The following MTIF2 variants were observed in gnomAD, a reference collection of about 807,000 sequenced individuals.
The protein encoded by MTIF2 is translation initiation factor IF-2, mitochondrial.
In MTIF2, 71 loss-of-function variants were observed where a neutral mutation model predicts 83.5. The ratio of observed to expected loss-of-function variants is 0.85; its 90% confidence interval spans 0.70 to 1.04. MTIF2 has a LOEUF of 1.04. Among genes scored for constraint, MTIF2 ranks in the 50% least tolerant of loss-of-function variants. The pLI, the probability that MTIF2 is intolerant of heterozygous loss-of-function variation, is 0.00. For synonymous variants in MTIF2, 319 were observed against 287.1 expected, an observed-to-expected ratio of 1.11 and a Z score of -1.12; for missense variants, 957 against 846.5, an observed-to-expected ratio of 1.13 and a Z score of -1.62.
At chr2:55,260,525 A>C (rs2104446792) in intron 5 of MTIF2, among the ~76,000 whole-genome samples, 1 of 152,290 alleles carries the variant, frequency 6.6e-6, no homozygotes, top group East Asian at 1.9e-4. Context: ...CATTGCTGTG[A>C]TTTACAAAAT....
chr2:55,242,009 G>C (rs1676351780), intron 13 of MTIF2, among the ~76,000 whole-genome samples: 2 of 151,970 alleles, frequency 1.3e-5, no homozygotes, highest in African/African-American at 4.8e-5. Context: ...AGCCAGGCAT[G>C]GTGGTGCACG....
At chr2:55,242,351 A>T (rs1167045218) in intron 13 of MTIF2, among the ~76,000 whole-genome samples, 2 of 152,138 alleles carry the variant, frequency 1.3e-5, no homozygotes, top group African/African-American at 4.8e-5. Flanking sequence ...ATTCCTAATC[A>T]CTCAACAAAT....
rs1403111323 is a variant in MTIF2 at position 55,236,784 on chromosome 2, A to T, written c.2048T>A (p.Ile683Asn). 1 of 1,609,032 alleles carries T rather than the reference A, an allele frequency of 6.2e-7. No individual in the cohort carries two copies. The highest frequency in any genetic ancestry group is 1.7e-5 in the Admixed American group (1 of 58,806). ...LTSLKHHKDD[I>N]SIVKTGMDCG... ...ATCCATTCCCGTTTTGACAATTGAA[A>T]TGTCATCTTTATGGTGTTTCAATGA... The change falls in exon 16 of 16, where the codon ATT (isoleucine) becomes AAT (asparagine). Residue 683 changes from isoleucine to asparagine, a missense_variant. Physicochemically the swap from Ile to Asn is moderately radical, Grantham distance 149. This residue lies in a region of MTIF2 where 221 missense variants were observed against 180.6 expected (regional missense o/e 1.22). Transcript: ENST00000263629.
chr2:55,240,313 G>A, intron 13 of MTIF2, 138 bp from the exon 14 acceptor site: 1 of 776,612 alleles, frequency 1.3e-6, no homozygotes, highest in Non-Finnish European at 2.0e-6. Flanking sequence ...AGGTGCAGTG[G>A]CTCACGCCTG....
intron 10 of MTIF2, among the ~76,000 whole-genome samples, chr2:55,245,875 G>A (rs1353422440): frequency 6.6e-6 from 1 of 152,194 alleles, no homozygotes; most frequent in African/African-American, 2.4e-5. Flanking sequence ...TCAGTTGTTA[G>A]AGAGTGTAAA....
chr2:55,258,811 C>CA (rs368542489), intron 5 of MTIF2, among the ~76,000 whole-genome samples: 17,158 of 66,834 alleles, frequency 0.26, 1,588 homozygotes, highest in East Asian at 0.34. Context: ...GCCTCTGTCT[C>CA]AAAAAAAAAA....
Position 55,252,561 on chromosome 2 carries a change from C to T in MTIF2, c.757G>A (p.Asp253Asn), listed in dbSNP as rs1194451726. The T allele has an allele frequency of 6.2e-7, 1 of 1,614,138 alleles. No individual in the cohort carries two copies. The highest frequency in any genetic ancestry group is 1.7e-5 in the Admixed American group (1 of 60,020). The part of the protein sequence containing the change: ...AMRARGAQVT[D>N]IVVLVVAADD... Reference sequence around the variant, plus strand: ...GCAGCTACAACCAATACGACAATGTCAGTGACCTGAGCACCTCTGGCTCTC... The same window carrying T: ...GCAGCTACAACCAATACGACAATGTTAGTGACCTGAGCACCTCTGGCTCTC... The change falls in exon 8 of 16, where the codon GAC becomes AAC. Residue 253 changes from aspartate (D) to asparagine (N), a missense_variant. Coordinates refer to ENST00000263629, the MANE Select transcript of MTIF2 (RefSeq NM_002453.3).
At chr2:55,243,942 T>A in intron 11 of MTIF2, 87 bp downstream of exon 11, 1 of 1,167,866 alleles carries the variant, frequency 8.6e-7, no homozygotes, top group Non-Finnish European at 1.2e-6. Context: ...TTTGTTAACA[T>A]TAATACACAT....
chr2:55,262,240 C>G lies in MTIF2; in HGVS notation c.331+76G>C, dbSNP rs1003817439. ...CAGTCTAGTTTTTAATCTTTCAATG[C>G]CTTAATCTCGTTGCAAATAAAATGC... On this transcript the variant is annotated intron_variant, in intron 5 of 15. Coordinates refer to ENST00000263629, the MANE Select transcript of MTIF2 (RefSeq NM_002453.3). 4 of 962,492 alleles carry G rather than the reference C, an allele frequency of 4.2e-6. No homozygotes were observed. In the East Asian group the frequency reaches 9.6e-5, roughly 23 times the overall value. 59.6% of individuals were successfully genotyped at this position (962,492 alleles called of 1,614,324 possible).
intron 7 of MTIF2, among the ~76,000 whole-genome samples, chr2:55,253,762 C>G (rs896154392): frequency 2.0e-4 from 23 of 116,710 alleles, no homozygotes; most frequent in African/African-American, 5.7e-4. Flanking sequence ...TTGCAGTGAG[C>G]CAAGATTGCA....
At chr2:55,257,949 C>G (rs975665052) in intron 5 of MTIF2, among the ~76,000 whole-genome samples, 3 of 152,078 alleles carry the variant, frequency 2.0e-5, no homozygotes, top group Admixed American at 6.6e-5. Context: ...ATCACCATAC[C>G]CAGCTAATTT....
chr2:55,244,512 G>C (rs186957039), intron 10 of MTIF2, among the ~76,000 whole-genome samples: 1 of 152,310 alleles, frequency 6.6e-6, no homozygotes, highest in South Asian at 2.1e-4. Context: ...ATTTATTTGC[G>C]ATAGCCAAGA....
intron 6 of MTIF2, 21 bp from the exon 7 acceptor site, chr2:55,254,222 G>C (rs369651405): frequency 1.2e-6 from 2 of 1,600,636 alleles, no homozygotes; most frequent in African/African-American, 2.7e-5. Flanking sequence ...CAGCAAAAGA[G>C]TTTCATTTCT....
Position 55,253,759 on chromosome 2 carries a change from G to A in MTIF2, c.664+282C>T, listed in dbSNP as rs547019236. 2.6e-4 allele frequency among the ~76,000 whole-genome samples: 30 copies of A among 117,640 alleles called. No homozygotes were observed. The South Asian group carries it at 8.1e-3, about 32-fold the overall frequency. The allele number at this position is 117,640 out of a possible 152,430, so 77.2% of individuals were successfully genotyped here. On this transcript the variant is annotated intron_variant, in intron 7 of 15. Transcript: ENST00000263629. ...GAACTGGGGAGGCAGAGGTTGCAGT[G>A]AGCCAAGATTGCACCACTGCACTCC...
intron 8 of MTIF2, 116 bp from the exon 9 acceptor site, chr2:55,249,650 A>G (rs1676951608): frequency 7.6e-7 from 1 of 1,310,038 alleles, no homozygotes; most frequent in African/African-American, 1.5e-5. Context: ...GGATGTTTTT[A>G]TCTAACAAAA....
chr2:55,243,308 C>G, intron 12 of MTIF2, 108 bp downstream of exon 12: 1 of 1,204,366 alleles, frequency 8.3e-7, no homozygotes, highest in Non-Finnish European at 1.1e-6. Flanking sequence ...GAAAAACTCT[C>G]CTAAAATATT....
rs1254273645 is a variant in MTIF2 at position 55,261,154 on chromosome 2, T to C, written c.331+1162A>G. On this transcript the variant is annotated intron_variant, in intron 5 of 15. Coordinates refer to ENST00000263629, the MANE Select transcript of MTIF2 (RefSeq NM_002453.3). ...GGCGCCCGCCACTAGGCCCAGCTAA[T>C]TTTTTTTGTATTTTTAGTAGAGATG... Among the ~76,000 whole-genome samples, 3 of 151,902 alleles carry C rather than the reference T, an allele frequency of 2.0e-5. No individual in the cohort carries two copies. The East Asian group carries it at 5.9e-4, about 30-fold the overall frequency.
At chr2:55,250,127 G>C (rs1321298726) in intron 8 of MTIF2, among the ~76,000 whole-genome samples, 2 of 151,734 alleles carry the variant, frequency 1.3e-5, no homozygotes, top group Non-Finnish European at 2.9e-5. Flanking sequence ...ATCATCCCTG[G>C]GTATACTGGT....
chr2:55,246,458 C>T lies in MTIF2; in HGVS notation c.985G>A (p.Asp329Asn), dbSNP rs755036864. The T allele has an allele frequency of 5.0e-6, 8 of 1,613,194 alleles. No homozygotes were observed. Among genetic ancestry groups the T allele is most frequent in the Middle Eastern group, 1.7e-4 (1 of 6,058 alleles). The change falls in exon 10 of 16, where the codon GAT (aspartate) becomes AAT (asparagine). Residue 329 changes from aspartate to asparagine, a missense_variant. Physicochemically the swap from Asp to Asn is conservative, Grantham distance 23 (BLOSUM62 1). This residue lies in a region of MTIF2 where 733 missense variants were observed against 648.7 expected (regional missense o/e 1.13). Coordinates refer to ENST00000263629, the MANE Select transcript of MTIF2 (RefSeq NM_002453.3). ...QAVPVSALTG[D>N]NLMALAEATV... ...GCTTCTGCCAAAGCCATCAGATTAT[C>T]GCCCTTTAACAATAACAAACGTTGT...
Sources: gnomAD v4.1 joint callset for allele counts (sites outside exome capture counted in the v4.1 genomes callset) on GRCh38, gnomAD v4.1.1 for gene constraint, gnomAD v4.1.1 regional missense constraint, MANE v1.5 for transcripts, NCBI Gene and HGNC (gene_info 2026-07-23, HGNC 2026-07-21) for gene names.